The following KRT86 variants were observed in gnomAD, a reference collection of about 807,000 sequenced individuals.
The protein encoded by KRT86 is keratin 86.
A neutral mutation model predicts 41.2 loss-of-function variants in KRT86; 30 were observed. The ratio of observed to expected loss-of-function variants is 0.73; its 90% CI spans 0.54 to 0.99. KRT86 has a LOEUF of 0.99. KRT86 is among the 50% of genes least tolerant of loss of function. The pLI, the probability that KRT86 is intolerant of heterozygous loss-of-function variation, is 0.00. For synonymous variants in KRT86, 238 were observed against 238.1 expected (o/e 1.00, Z 0.00); for missense variants, 561 against 571.4 (o/e 0.98, Z 0.19).
At chr12:52,305,622 G>A in intron 7 of KRT86, 41 bp from the exon 8 acceptor site, 2 of 1,613,970 alleles carry the variant, frequency 1.2e-6, no homozygotes, top group South Asian at 1.1e-5. Context: ...ATGGGTGGGA[G>A]GTCCCACCCT....
At chr12:52,278,441 T>TTG (rs1937691428) in intron 2 of KRT86, among the ~76,000 whole-genome samples, 1 of 146,174 alleles carries the variant, frequency 6.8e-6, no homozygotes, top group Non-Finnish European at 1.5e-5. Flanking sequence ...AAGTGTAGTT[T>TTG]TTTTTTTTTT....
intron 2 of KRT86, chr12:52,286,519 A>C: frequency 1.9e-6 from 3 of 1,549,328 alleles, no homozygotes; most frequent in South Asian, 2.4e-5. Context: ...GCTGAGTCAA[A>C]ATTCTGAAGG....
At chr12:52,305,609 T>G in intron 7 of KRT86, 54 bp from the exon 8 acceptor site, 1 of 1,613,834 alleles carries the variant, frequency 6.2e-7, no homozygotes, top group East Asian at 2.2e-5. Context: ...TGTCATGCCC[T>G]GAATGGGTGG....
chr12:52,302,354 T>C, intron 3 of KRT86, 69 bp downstream of exon 3: 1 of 469,880 alleles, frequency 2.1e-6, no homozygotes, highest in Non-Finnish European at 3.5e-6. Context: ...GCACTAAGGA[T>C]GGAGTCAGAG....
intron 10 of KRT86, 66 bp downstream of exon 10, chr12:52,308,330 G>C (rs1158706992): frequency 1.2e-6 from 2 of 1,612,996 alleles, no homozygotes; most frequent in Non-Finnish European, 1.7e-6. Flanking sequence ...CAAAGGGCGC[G>C]TGGGCTCGCA....
rs547189098 is a variant in KRT86 at position 52,299,757 on chromosome 12, T to G, written c.-4-2156T>G. The stretch of plus-strand genomic sequence containing the variant: ...TATGTCTTCTTTTGAGAAATGTCTA[T>G]TCAGATCTTTTGCCCATTTTAAAAT... On this transcript the variant is annotated intron_variant, in intron 2 of 10. Coordinates refer to ENST00000423955, the MANE Select transcript of KRT86 (RefSeq NM_001320198.2). Among the ~76,000 whole-genome samples, 32 of 152,380 alleles carry G rather than the reference T, an allele frequency of 2.1e-4. No individual in the cohort carries two copies. In the South Asian group the frequency reaches 6.6e-3, roughly 32 times the overall value.
chr12:52,286,778 C>A, intron 2 of KRT86: 1 of 1,613,610 alleles, frequency 6.2e-7, no homozygotes, highest in South Asian at 1.1e-5. Context: ...CACACTGGAC[C>A]CCAAATACTC....
intron 2 of KRT86, among the ~76,000 whole-genome samples, chr12:52,293,197 T>G (rs2121263795): frequency 6.6e-6 from 1 of 152,334 alleles, no homozygotes; most frequent in South Asian, 2.1e-4. Flanking sequence ...GATAAGAATA[T>G]GTTTCTTTTT....
chr12:52,287,188 C>T, intron 2 of KRT86: 1 of 1,613,836 alleles, frequency 6.2e-7, no homozygotes. Context: ...CCTGGTACTC[C>T]CTGATCAGGC....
chr12:52,284,654 T>C lies in KRT86; in HGVS notation c.-5+8708T>C, dbSNP rs75940805. On this transcript the variant is annotated intron_variant, in intron 2 of 10. Coordinates refer to ENST00000423955, the MANE Select transcript of KRT86 (RefSeq NM_001320198.2). ...AGCTTTTACAGGAGAATTTGTTCTT[T>C]TCAGTCCACTCACTTCTGGTCTCTT... 6.0e-3 allele frequency among the ~76,000 whole-genome samples: 911 copies of C among 152,356 alleles called. 8 individuals carry two copies. The highest frequency in any genetic ancestry group is 0.021 in the African/African-American group (854 of 41,582).
At chr12:52,276,007 G>A in intron 2 of KRT86, 61 bp downstream of exon 2, 1 of 985,852 alleles carries the variant, frequency 1.0e-6, no homozygotes, top group Non-Finnish European at 1.2e-6. Flanking sequence ...CATTATTTAT[G>A]ACAACTGCCC....
intron 2 of KRT86, among the ~76,000 whole-genome samples, chr12:52,283,392 CAAAAAAA>C (rs1169224117): frequency 5.1e-5 from 2 of 39,564 alleles, no homozygotes; most frequent in Non-Finnish European, 8.4e-5. Context: ...AACTGTCTCA[CAAAAAAA>C]AAAAAAAAAA....
intron 2 of KRT86, among the ~76,000 whole-genome samples, chr12:52,283,183 C>G (rs540270693): frequency 4.5e-4 from 68 of 151,944 alleles, no homozygotes; most frequent in East Asian, 1.2e-3. Context: ...ATCACAAGGT[C>G]AGGAGTTTGA....
intron 2 of KRT86, among the ~76,000 whole-genome samples, chr12:52,285,234 G>A (rs1475282210): frequency 1.3e-5 from 2 of 152,246 alleles, no homozygotes; most frequent in East Asian, 3.9e-4. Context: ...CCAGCTTGGG[G>A]CCCAGGCAGT....
In KRT86 at chr12:52,309,014, ACT is replaced by A. The variant is rs1938583947; in HGVS notation, c.*432_*433del. On this transcript the variant is annotated 3_prime_UTR_variant, in exon 11 of 11. Transcript: ENST00000423955. Reference sequence around the variant, plus strand: ...GCGGACCCTGGATAGTGGTTCTATGACTCTGCGAGGGACAGGCCCACGCGTGT... The same window carrying A: ...GCGGACCCTGGATAGTGGTTCTATGACTGCGAGGGACAGGCCCACGCGTGT... 4.9e-6 allele frequency: 1 copy of A among 202,276 alleles called. No individual in the cohort carries two copies. Among genetic ancestry groups the A allele is most frequent in the Admixed American group, 5.5e-5 (1 of 18,062 alleles). The allele number at this position is 202,276 out of a possible 1,614,324, so 12.5% of individuals were successfully genotyped here.
At chr12:52,296,863 C>A (rs58336709) in intron 2 of KRT86, among the ~76,000 whole-genome samples, 2,772 of 152,358 alleles carry the variant, frequency 0.018, 88 homozygotes, top group African/African-American at 0.062. Context: ...GACCTGTAAG[C>A]CCAGCATGCA....
chr12:52,286,780 C>T, intron 2 of KRT86: 1 of 1,613,824 alleles, frequency 6.2e-7, no homozygotes, highest in Non-Finnish European at 8.5e-7. Context: ...CACTGGACCC[C>T]AAATACTCAC....
At chr12:52,301,250 GGAGA>G (rs1204118516) in intron 2 of KRT86, among the ~76,000 whole-genome samples, 5 of 151,658 alleles carry the variant, frequency 3.3e-5, no homozygotes, top group Admixed American at 2.0e-4. Flanking sequence ...CCAGAGAGTG[GGAGA>G]GAGAGAGAGA....
Position 52,306,280 on chromosome 12 carries a change from G to T in KRT86, c.1247G>T (p.Arg416Met). ...YRRLLEGEEQ[R>M]LCEGVGSVNV... ...CGCCTGCTGGAGGGCGAGGAGCAGA[G>T]GTGGGTCCCATAGACCTTTCCCTTT... The change falls in exon 9 of 11, where the codon AGG becomes ATG. Residue 416 changes from arginine to methionine, a missense_variant and splice_region_variant. Physicochemically the swap from Arg to Met is moderately conservative, Grantham distance 91. Coordinates refer to ENST00000423955, the MANE Select transcript of KRT86 (RefSeq NM_001320198.2). The T allele has an allele frequency of 6.2e-7, 1 of 1,613,416 alleles. No individual in the cohort carries two copies. The highest frequency in any genetic ancestry group is 1.3e-5 in the African/African-American group (1 of 75,044).
Sources: gnomAD v4.1 joint callset for allele counts (sites outside exome capture counted in the v4.1 genomes callset) on GRCh38, gnomAD v4.1.1 for gene constraint, MANE v1.5 for transcripts, NCBI Gene and HGNC (gene_info 2026-07-23, HGNC 2026-07-21) for gene names.